The following PIGG variants were observed in gnomAD, a reference collection of about 807,000 sequenced individuals.
The protein encoded by PIGG is phosphatidylinositol glycan anchor biosynthesis class G (EMM blood group).
PIGG carries 70 observed loss-of-function variants against 83.2 expected under a neutral mutation model. The observed-to-expected ratio is 0.84, with a 90% confidence interval of 0.69 to 1.03. The LOEUF (loss-of-function observed/expected upper bound fraction) is 1.03. PIGG is among the 50% of genes least tolerant of loss of function. The pLI is 0.00. For missense variants in PIGG, 1,257 were observed against 1,233.6 expected (o/e 1.02, Z -0.28); for synonymous variants, 532 against 519.5 (o/e 1.02, Z -0.33).
intron 11 of PIGG, chr4:533,044 A>T (rs1003792240): frequency 6.6e-6 from 1 of 152,212 alleles, no homozygotes; most frequent in African/African-American, 2.4e-5. Context: ...TGGAGTGGAG[A>T]GGCGGGGCCT....
intron 5 of PIGG, among the ~76,000 whole-genome samples, chr4:512,820 G>T (rs1358914683): frequency 6.6e-6 from 1 of 151,794 alleles, no homozygotes; most frequent in Non-Finnish European, 1.5e-5. Flanking sequence ...TCTAAAAATA[G>T]TAATAATAAT....
chr4:533,226 C>T (rs1729507744), intron 11 of PIGG: 1 of 156,848 alleles, frequency 6.4e-6, no homozygotes, highest in Admixed American at 6.1e-5. Flanking sequence ...CAAGTGAGTC[C>T]TCATGGTCTG....
rs190525357 is a variant in PIGG, at chr4:514,020, T to C, written c.902-1953T>C. 7.9e-5 allele frequency among the ~76,000 whole-genome samples: 12 copies of C among 152,330 alleles called. 1 individual carries two copies. The highest frequency in any genetic ancestry group is 2.1e-4 in the South Asian group (1 of 4,832). Reference sequence around the variant, plus strand: ...AAGGTAATGCAGACTCTCTGCCTTATTCTTTACAACAATATCAATCCAGGT... The same window carrying C: ...AAGGTAATGCAGACTCTCTGCCTTACTCTTTACAACAATATCAATCCAGGT... On this transcript the variant is annotated intron_variant, in intron 5 of 12. Coordinates refer to ENST00000453061, the MANE Select transcript of PIGG (RefSeq NM_001127178.3).
At chr4:539,073 CTT>C (rs1731446067) in intron 12 of PIGG, 78 bp from the exon 13 acceptor site, 1 of 920,164 alleles carries the variant, frequency 1.1e-6, no homozygotes, top group South Asian at 1.5e-5. Context: ...CTACTGGAGT[CTT>C]TTTGAAAATA....
At chr4:508,746 G>T in intron 4 of PIGG, 83 bp from the exon 5 acceptor site, 2 of 1,331,906 alleles carry the variant, frequency 1.5e-6, no homozygotes, top group Non-Finnish European at 2.1e-6. Flanking sequence ...ATAAAGTAAA[G>T]CTAAAACCGA....
In PIGG at chr4:507,494, C is replaced by T; in HGVS notation, c.660C>T (p.His220=). The T allele has an allele frequency of 1.9e-6, 3 of 1,614,052 alleles. No individual in the cohort carries two copies. Among genetic ancestry groups the T allele is most frequent in the Non-Finnish European group, 2.5e-6 (3 of 1,179,874 alleles). ...ILILHYLGLD[H]IGHISGPNSP... ...TCCTCCACTACCTGGGGCTGGACCACATTGGCCACATTTCAGGGCCCAACA... is the reference window on the plus strand; with the variant it reads ...TCCTCCACTACCTGGGGCTGGACCATATTGGCCACATTTCAGGGCCCAACA... The change falls in exon 4 of 13, where the codon CAC becomes CAT. Residue 220 remains histidine, a synonymous_variant. Coordinates refer to ENST00000453061, the MANE Select transcript of PIGG (RefSeq NM_001127178.3).
At position 528,582 on chromosome 4, in the gene PIGG, A is replaced by G; in HGVS notation, c.2261+1352A>G. Reference sequence around the variant, plus strand: ...TGGGGCAGAGAGGATGCTGACGTGCAGGTACCAGCGGTGTTCTGTGGAGAT... The same window carrying G: ...TGGGGCAGAGAGGATGCTGACGTGCGGGTACCAGCGGTGTTCTGTGGAGAT... On this transcript the variant is annotated intron_variant, in intron 10 of 12. Transcript: ENST00000453061. This position sits in a 1 kb window ranked among gnomAD's most constrained non-coding sequence, Gnocchi z 4.8. 1.0e-6 allele frequency: 1 copy of G among 985,404 alleles called. No homozygotes were observed. Among genetic ancestry groups the G allele is most frequent in the Non-Finnish European group, 1.2e-6 (1 of 829,918 alleles). The allele number at this position is 985,404 out of a possible 1,614,324, so 61.0% of individuals were successfully genotyped here.
Position 528,684 on chromosome 4 carries a change from T to G in PIGG, c.2261+1454T>G. ...GATGTTACATTTGCGGGTGTGTGTT[T>G]AAGGTGCAGCGTATGAATAAATTCA... is the stretch of plus-strand genomic sequence containing the variant. On this transcript the variant is annotated intron_variant, in intron 10 of 12. Coordinates refer to ENST00000453061, the MANE Select transcript of PIGG (RefSeq NM_001127178.3). This position sits in a 1 kb window ranked among gnomAD's most constrained non-coding sequence, Gnocchi z 4.8. 1 of 985,350 alleles carries G rather than the reference T, an allele frequency of 1.0e-6. No homozygotes were observed. Among genetic ancestry groups the G allele is most frequent in the Non-Finnish European group, 1.2e-6 (1 of 829,868 alleles). The allele number at this position is 985,350 out of a possible 1,614,324, so 61.0% of individuals were successfully genotyped here. A position where few individuals can be genotyped will look rare whatever the true frequency, so the allele number is the denominator to read the frequency against.
intron 12 of PIGG, 49 bp from the exon 13 acceptor site, chr4:539,104 T>C (rs759344342): frequency 8.6e-7 from 1 of 1,160,060 alleles, no homozygotes; most frequent in South Asian, 1.2e-5. Context: ...GTTACATGTG[T>C]GATATGTAAG....
chr4:538,565 C>G (rs1731304113), intron 12 of PIGG, among the ~76,000 whole-genome samples: 1 of 152,144 alleles, frequency 6.6e-6, no homozygotes. Context: ...ACTGCAAAGT[C>G]TGGGGGGTGC....
chr4:506,835 C>T (rs1015352889), intron 3 of PIGG: 1 of 455,812 alleles, frequency 2.2e-6, no homozygotes, highest in Non-Finnish European at 4.4e-6. Flanking sequence ...ATGCCCTCAG[C>T]TTCATCATCC....
chr4:504,753 A>T (rs1553877746), intron 2 of PIGG, among the ~76,000 whole-genome samples: 1 of 152,142 alleles, frequency 6.6e-6, no homozygotes. Context: ...AATCACAGAG[A>T]TCTGTTACCC....
At position 528,228 on chromosome 4, in the gene PIGG, G is replaced by GTT; in HGVS notation, c.2261+1007_2261+1008dup. ...ACCCCAGCTTACTAATTGTGTACCT[G>GTT]TTTTTTTTTTCATACTTATATGAAA... is the stretch of plus-strand genomic sequence containing the variant. On this transcript the variant is annotated intron_variant, in intron 10 of 12. Transcript: ENST00000453061. This position sits in a 1 kb window ranked among gnomAD's most constrained non-coding sequence, Gnocchi z 4.8. 3 of 918,328 alleles carry GTT rather than the reference G, an allele frequency of 3.3e-6. No homozygotes were observed. The highest frequency in any genetic ancestry group is 2.6e-6 in the Non-Finnish European group (2 of 770,196). 56.9% of individuals were successfully genotyped at this position (918,328 alleles called of 1,614,324 possible).
rs759718734 is a variant in PIGG, at chr4:530,868, G to A, written c.2571+123G>A. Reference sequence around the variant, plus strand: ...CTGTCAGTGTGGCATGGTGAATTACGCTGAACTCTCGTGTATTTTATAAGA... The same window carrying A: ...CTGTCAGTGTGGCATGGTGAATTACACTGAACTCTCGTGTATTTTATAAGA... On this transcript the variant is annotated intron_variant, in intron 11 of 12. Coordinates refer to ENST00000453061, the MANE Select transcript of PIGG (RefSeq NM_001127178.3). 36 of 705,652 alleles carry A rather than the reference G, an allele frequency of 5.1e-5. 1 individual carries two copies. Among genetic ancestry groups the A allele is most frequent in the Non-Finnish European group, 7.0e-5 (29 of 411,364 alleles). 43.7% of individuals were successfully genotyped at this position (705,652 alleles called of 1,614,324 possible). A position where few individuals can be genotyped will look rare whatever the true frequency, so the allele number is the denominator to read the frequency against.
chr4:501,631 A>G (rs1717773382), intron 2 of PIGG: 1 of 158,226 alleles, frequency 6.3e-6, no homozygotes, highest in Non-Finnish European at 1.4e-5. Context: ...TGTTCACTGG[A>G]TGAAAGCAGT....
Position 507,517 on chromosome 4 carries a change from A to G in PIGG, c.683A>G (p.Asn228Ser), listed in dbSNP as rs1553880271. The G allele has an allele frequency of 3.1e-6, 5 of 1,614,154 alleles. No homozygotes were observed. The highest frequency in any genetic ancestry group is 2.2e-5 in the East Asian group (1 of 44,892). ...LDHIGHISGP[N>S]SPLIGQKLSE... ...CACATTGGCCACATTTCAGGGCCCA[A>G]CAGCCCCCTGATTGGGCAGAAGCTG... The change falls in exon 4 of 13, where the codon AAC becomes AGC. Residue 228 changes from asparagine to serine, a missense_variant. Transcript: ENST00000453061.
intron 12 of PIGG, among the ~76,000 whole-genome samples, chr4:534,640 T>C (rs1390777433): frequency 6.6e-6 from 1 of 152,172 alleles, no homozygotes; most frequent in African/African-American, 2.4e-5. Context: ...CCTCGTTCCC[T>C]CCAGTGAGCC....
rs1728265812 is a variant in PIGG, at chr4:528,502, T to C, written c.2261+1272T>C. The C allele has an allele frequency of 3.0e-6, 3 of 985,272 alleles. No homozygotes were observed. In the East Asian group the frequency reaches 3.4e-4, roughly 112 times the overall value. The allele number at this position is 985,272 out of a possible 1,614,324, so 61.0% of individuals were successfully genotyped here. A position where few individuals can be genotyped will look rare whatever the true frequency, so the allele number is the denominator to read the frequency against. ...GTAAGGGGTGGGAGTTAGGGTGACCTGAGGCCTGGCTGAGGCAGTGAGAGT... is the reference window on the plus strand; with the variant it reads ...GTAAGGGGTGGGAGTTAGGGTGACCCGAGGCCTGGCTGAGGCAGTGAGAGT... On this transcript the variant is annotated intron_variant, in intron 10 of 12. Transcript: ENST00000453061. This position sits in a 1 kb window ranked among gnomAD's most constrained non-coding sequence, Gnocchi z 4.8.
rs564478149 is a variant in PIGG at position 537,738 on chromosome 4, T to C, written c.2736-1415T>C. Among the ~76,000 whole-genome samples, 15 of 150,814 alleles carry C rather than the reference T, an allele frequency of 9.9e-5. No homozygotes were observed. The South Asian group carries it at 2.9e-3, about 30-fold the overall frequency. On this transcript the variant is annotated intron_variant, in intron 12 of 12. Coordinates refer to ENST00000453061, the MANE Select transcript of PIGG (RefSeq NM_001127178.3). ...TACTGGAGCACATGGCGGGCTGAGG[T>C]GAAGGAGTGTTTGGAGAAGCCAAGA...
Sources: gnomAD v4.1 joint callset for allele counts (sites outside exome capture counted in the v4.1 genomes callset) on GRCh38, gnomAD v4.1.1 for gene constraint, Gnocchi (gnomAD v3.1) non-coding constraint, MANE v1.5 for transcripts, NCBI Gene and HGNC (gene_info 2026-07-23, HGNC 2026-07-21) for gene names.